Variants in ZNF709 observed in about 807,000 individuals in gnomAD.
ZNF709 encodes zinc finger protein 709.
Under a neutral mutation model 10.6 loss-of-function variants are expected in ZNF709, and 15 were observed. The observed-to-expected ratio is 1.41, with a 90% CI of 0.95 to 2.18. ZNF709 has a LOEUF of 2.18. ZNF709 is among the 30% of genes most tolerant of loss of function. The pLI is 0.00. For synonymous variants in ZNF709, 194 were observed against 238.8 expected (o/e 0.81, Z 1.73); for missense variants, 589 against 774.0 (o/e 0.76, Z 2.84).
intron 1 of ZNF709, among the ~76,000 whole-genome samples, chr19:12,483,291 C>T (rs1970744650): frequency 1.3e-5 from 2 of 149,800 alleles, no homozygotes; most frequent in South Asian, 4.2e-4. Flanking sequence ...CAAGTGCAGG[C>T]CATTACGCCC....
At chr19:12,475,712 G>C (rs1162538838) in intron 1 of ZNF709, among the ~76,000 whole-genome samples, 1 of 152,180 alleles carries the variant, frequency 6.6e-6, no homozygotes, top group Non-Finnish European at 1.5e-5. Context: ...TAACTAATGA[G>C]AGGAGAGGGG....
At chr19:12,484,026 C>T (rs138793654) in intron 1 of ZNF709, among the ~76,000 whole-genome samples, 10 of 152,262 alleles carry the variant, frequency 6.6e-5, no homozygotes, top group African/African-American at 2.4e-4. Context: ...CCAAAGCATA[C>T]GTTAAATCTT....
rs1197440027 is a variant in ZNF709, at chr19:12,464,579, T to C, written c.1343A>G (p.Tyr448Cys). Residue 448 changes from tyrosine to cysteine, a missense_variant, in exon 4 of 4, where the codon TAT becomes TGT. Transcript: ENST00000397732. The stretch of plus-strand genomic sequence containing the variant: ...GGCTTTACCACACTGTTTACATTCA[T>C]AGGGTTTCTCTCCAGTGTGAGTCCT... ...HERTHTGEKP[Y>C]ECKQCGKAFS... The C allele has an allele frequency of 2.5e-6, 4 of 1,612,914 alleles. No homozygotes were observed. The highest frequency in any genetic ancestry group is 3.4e-6 in the Non-Finnish European group (4 of 1,179,506).
At chr19:12,471,171 T>A (rs1385226243) in intron 1 of ZNF709, among the ~76,000 whole-genome samples, 1 of 152,044 alleles carries the variant, frequency 6.6e-6, no homozygotes, top group East Asian at 1.9e-4. Context: ...TGTGATTACA[T>A]CAGGAAAGAA....
chr19:12,484,684 TTC>T lies in ZNF709; in HGVS notation c.-29_-28del. ...TCCCAGACTCTGGGATGTCCTGGTG[TTC>T]TGTTTACCTCTCCCGCGGCCAGCAC... is the stretch of plus-strand genomic sequence containing the variant. On this transcript the variant is annotated 5_prime_UTR_variant, in exon 1 of 4. Coordinates refer to ENST00000397732, the MANE Select transcript of ZNF709 (RefSeq NM_152601.4). 6.2e-7 allele frequency: 1 copy of T among 1,613,868 alleles called. No individual in the cohort carries two copies. Among genetic ancestry groups the T allele is most frequent in the Non-Finnish European group, 8.5e-7 (1 of 1,179,872 alleles).
chr19:12,482,179 A>G (rs1599636937), intron 1 of ZNF709, among the ~76,000 whole-genome samples: 1 of 150,982 alleles, frequency 6.6e-6, no homozygotes, highest in Non-Finnish European at 1.5e-5. Context: ...ACACACACAC[A>G]CACACGCTCC....
Position 12,476,870 on chromosome 19 carries a change from G to A in ZNF709, c.3+7785C>T, listed in dbSNP as rs568399881. ...TTTGTAAGCTCTATTTTTTTTTTCA[G>A]TATTTATGTGTCCTGAATGAATGCC... On this transcript the variant is annotated intron_variant, in intron 1 of 3. Transcript: ENST00000397732. Among the ~76,000 whole-genome samples, 11 of 151,302 alleles carry A rather than the reference G, an allele frequency of 7.3e-5. No individual in the cohort carries two copies. The South Asian group carries it at 1.9e-3, about 26-fold the overall frequency.
At position 12,465,315 on chromosome 19, in the gene ZNF709, T is replaced by A; in HGVS notation, c.607A>T (p.Lys203Ter). 6.2e-7 allele frequency: 1 copy of A among 1,612,844 alleles called. No homozygotes were observed. The highest frequency in any genetic ancestry group is 8.5e-7 in the Non-Finnish European group (1 of 1,179,540). Residue 203 changes from lysine (K) to a stop codon, truncating the protein, a stop_gained, in exon 4 of 4, where the codon AAG becomes TAG. Transcript: ENST00000397732. LOFTEE classifies it low-confidence loss of function (END_TRUNC). ...EKPYECKECG[K>*]AFIYHTTFRG... is the part of the protein sequence containing the mutation. Reference sequence around the variant, plus strand: ...AAGGTTGTGTGATAAATGAAGGCCTTCCCACATTCCTTACATTCATAAGGT... The same window carrying A: ...AAGGTTGTGTGATAAATGAAGGCCTACCCACATTCCTTACATTCATAAGGT...
At chr19:12,476,408 A>T (rs1037885248) in intron 1 of ZNF709, among the ~76,000 whole-genome samples, 2 of 151,634 alleles carry the variant, frequency 1.3e-5, no homozygotes, top group Admixed American at 1.3e-4. Flanking sequence ...AAAAAAAAGT[A>T]AAGTTATAGG....
chr19:12,483,670 CG>C (rs1189573162), intron 1 of ZNF709, among the ~76,000 whole-genome samples: 7 of 151,904 alleles, frequency 4.6e-5, no homozygotes, highest in Non-Finnish European at 8.8e-5. Flanking sequence ...CCTGAGTAGC[CG>C]TGATTACAGA....
intron 1 of ZNF709, among the ~76,000 whole-genome samples, chr19:12,477,013 G>C (rs1970682876): frequency 6.6e-6 from 1 of 152,232 alleles, no homozygotes. Context: ...GGCTGTTGAG[G>C]TTCCCTTGGG....
At chr19:12,473,957 G>T (rs770323141) in intron 1 of ZNF709, among the ~76,000 whole-genome samples, 1 of 152,226 alleles carries the variant, frequency 6.6e-6, no homozygotes, top group African/African-American at 2.4e-5. Flanking sequence ...GGGACAGGAG[G>T]ATTGCTTGAG....
intron 1 of ZNF709, among the ~76,000 whole-genome samples, chr19:12,470,312 G>C (rs1003147118): frequency 6.6e-6 from 1 of 152,118 alleles, no homozygotes; most frequent in Non-Finnish European, 1.5e-5. Flanking sequence ...TACCTATTTG[G>C]TAAAGTAACA....
At chr19:12,479,006 AAGAAATT>A (rs1970699233) in intron 1 of ZNF709, among the ~76,000 whole-genome samples, 1 of 152,232 alleles carries the variant, frequency 6.6e-6, no homozygotes, top group Non-Finnish European at 1.5e-5. Flanking sequence ...CAGTATGCTT[AAGAAATT>A]ATTAAAAGGC....
chr19:12,463,971 T>C lies in ZNF709; in HGVS notation c.*25A>G. On this transcript the variant is annotated 3_prime_UTR_variant, in exon 4 of 4. Transcript: ENST00000397732. ...AAGGAAATAGGACAACTGAAAACTTTGCCATATTGCTTATATACATAGGGT... is the reference window on the plus strand; with the variant it reads ...AAGGAAATAGGACAACTGAAAACTTCGCCATATTGCTTATATACATAGGGT... 7.4e-7 allele frequency: 1 copy of C among 1,351,148 alleles called. No homozygotes were observed. The highest frequency in any genetic ancestry group is 9.7e-7 in the Non-Finnish European group (1 of 1,034,736). 83.7% of individuals were successfully genotyped at this position (1,351,148 alleles called of 1,614,324 possible).
Position 12,466,554 on chromosome 19 carries a change from T to TA in ZNF709, c.131-36_131-35insT, listed in dbSNP as rs781505617. ...AGGCCCAGAAAAATCATTAAACCTA[T>TA]TCGAAATTACAGAAAAATTATTAGA... On this transcript the variant is annotated intron_variant, in intron 2 of 3. Coordinates refer to ENST00000397732, the MANE Select transcript of ZNF709 (RefSeq NM_152601.4). The TA allele has an allele frequency of 1.1e-5, 17 of 1,611,584 alleles. No homozygotes were observed. The African/African-American group carries it at 2.3e-4, about 22-fold the overall frequency.
At position 12,466,529 on chromosome 19, in the gene ZNF709, A is replaced by G. The variant is rs766968470; in HGVS notation, c.131-10T>C. 6.2e-7 allele frequency: 1 copy of G among 1,613,796 alleles called. No individual in the cohort carries two copies. Among genetic ancestry groups the G allele is most frequent in the Non-Finnish European group, 8.5e-7 (1 of 1,179,916 alleles). ...TCCTCCCAGTTTTCCCCTAAAATGC[A>G]GGCCCAGAAAAATCATTAAACCTAT... is the stretch of plus-strand genomic sequence containing the variant. On this transcript the variant is annotated splice_polypyrimidine_tract_variant and intron_variant, in intron 2 of 3. Coordinates refer to ENST00000397732, the MANE Select transcript of ZNF709 (RefSeq NM_152601.4).
chr19:12,473,983 C>T (rs927486275), intron 1 of ZNF709, among the ~76,000 whole-genome samples: 1 of 152,214 alleles, frequency 6.6e-6, no homozygotes, highest in Non-Finnish European at 1.5e-5. Flanking sequence ...GAGTTTGAGG[C>T]TGCAGTGAGC....
chr19:12,469,156 A>G (rs776251440), intron 1 of ZNF709, among the ~76,000 whole-genome samples: 51 of 152,004 alleles, frequency 3.4e-4, no homozygotes, highest in Admixed American at 1.6e-3. Flanking sequence ...ATTTTAATGA[A>G]TAAGTATATA....
Sources: gnomAD v4.1 joint callset for allele counts (sites outside exome capture counted in the v4.1 genomes callset) on GRCh38, gnomAD v4.1.1 for gene constraint, MANE v1.5 for transcripts, NCBI Gene and HGNC (gene_info 2026-07-23, HGNC 2026-07-21) for gene names.